The following STK38L variants were observed in gnomAD, a reference collection of about 807,000 sequenced individuals.
STK38L encodes the protein serine/threonine kinase 38 like, also known as serine/threonine-protein kinase 38-like.
STK38L carries 28 observed loss-of-function variants against 59.7 expected under a neutral mutation model. The observed-to-expected ratio is 0.47, with a 90% confidence interval of 0.35 to 0.64. The LOEUF (loss-of-function observed/expected upper bound fraction) is 0.64. Ranked by LOEUF, STK38L falls within the 30% of genes least tolerant of loss-of-function variation. The pLI is 0.01. For synonymous variants in STK38L, 162 were observed against 176.8 expected, an observed-to-expected ratio of 0.92 and a Z score of 0.66; for missense variants, 314 against 555.8, an observed-to-expected ratio of 0.56 and a Z score of 4.37.
intron 12 of STK38L, among the ~76,000 whole-genome samples, chr12:27,321,082 A>G (rs1944718018): frequency 6.6e-5 from 10 of 152,202 alleles, no homozygotes; most frequent in Admixed American, 6.5e-4. Flanking sequence ...CTGCTAGTTA[A>G]TAACAAGGAA....
chr12:27,277,789 T>C (rs1245379748), intron 1 of STK38L, among the ~76,000 whole-genome samples: 2 of 151,868 alleles, frequency 1.3e-5, no homozygotes, highest in Non-Finnish European at 2.9e-5. Flanking sequence ...TCAAGTAAAA[T>C]TTAAAAAAAA....
At chr12:27,255,743 G>T (rs768944094) in intron 1 of STK38L, among the ~76,000 whole-genome samples, 9 of 152,032 alleles carry the variant, frequency 5.9e-5, no homozygotes, top group Non-Finnish European at 1.3e-4. Flanking sequence ...TGTGAGTGTG[G>T]GTGATCTCAT....
At chr12:27,303,925 G>A (rs756522418) in intron 3 of STK38L, among the ~76,000 whole-genome samples, 1 of 152,078 alleles carries the variant, frequency 6.6e-6, no homozygotes, top group African/African-American at 2.4e-5. Context: ...ACTAAAAAAG[G>A]TATACTTTAG....
intron 1 of STK38L, chr12:27,245,662 A>AT (rs1942834156): frequency 6.6e-6 from 1 of 152,104 alleles, no homozygotes; most frequent in Non-Finnish European, 1.5e-5. Context: ...GAGGTATTGT[A>AT]TGTGAATTAG....
chr12:27,310,484 G>T (rs1269839234), intron 5 of STK38L, among the ~76,000 whole-genome samples: 4 of 152,156 alleles, frequency 2.6e-5, no homozygotes, highest in Non-Finnish European at 5.9e-5. Flanking sequence ...TCCAGCTGTA[G>T]TGTAGATACC....
rs1043097710 is a variant in STK38L at position 27,320,445 on chromosome 12, T to A, written c.1175+1022T>A. On this transcript the variant is annotated intron_variant, in intron 12 of 13. Transcript: ENST00000389032. ...CCACACCCAGCTAATTTTGTTGATT[T>A]TTTTTTTTTTTTTTTTTTTGTAGAG... 8.7e-3 allele frequency among the ~76,000 whole-genome samples: 1,224 copies of A among 140,840 alleles called. 10 individuals carry two copies. The highest frequency in any genetic ancestry group is 0.015 in the Non-Finnish European group (980 of 64,966). 92.4% of individuals were successfully genotyped at this position (140,840 alleles called of 152,430 possible).
At chr12:27,268,199 G>A (rs939270381) in intron 1 of STK38L, among the ~76,000 whole-genome samples, 1 of 150,762 alleles carries the variant, frequency 6.6e-6, no homozygotes, top group African/African-American at 2.5e-5. Context: ...CATGTGCCAT[G>A]TTGGTGTGCT....
chr12:27,258,113 TC>T (rs200567698), intron 1 of STK38L, among the ~76,000 whole-genome samples: 1,903 of 152,210 alleles, frequency 0.013, 41 homozygotes, highest in African/African-American at 0.043. Flanking sequence ...CACCTCTGCC[TC>T]CCAAAGTGTT....
At chr12:27,274,622 A>C (rs907665767) in intron 1 of STK38L, among the ~76,000 whole-genome samples, 1 of 152,230 alleles carries the variant, frequency 6.6e-6, no homozygotes, top group African/African-American at 2.4e-5. Flanking sequence ...ACATTTATTC[A>C]GTACCTATAG....
intron 5 of STK38L, among the ~76,000 whole-genome samples, chr12:27,310,581 TATTTC>T (rs1944431527): frequency 6.6e-6 from 1 of 152,118 alleles, no homozygotes; most frequent in Non-Finnish European, 1.5e-5. Flanking sequence ...ATAAATAAAA[TATTTC>T]AATGATTTTT....
At chr12:27,319,571 G>GT (rs1944673623) in intron 12 of STK38L, 148 bp downstream of exon 12, 3 of 545,660 alleles carry the variant, frequency 5.5e-6, no homozygotes, top group Admixed American at 3.2e-5. Flanking sequence ...ATGTAAGTGA[G>GT]TGGGACTATT....
rs759768793 is a variant in STK38L, at chr12:27,322,473, C to G, written c.*18C>G. 6.2e-7 allele frequency: 1 copy of G among 1,606,828 alleles called. No individual in the cohort carries two copies. On this transcript the variant is annotated 3_prime_UTR_variant, in exon 14 of 14. Coordinates refer to ENST00000389032, the MANE Select transcript of STK38L (RefSeq NM_015000.4). ...AGTTATGAATGAAGATAACATTCAC[C>G]CATAACCAAGAGAACTCAGGTAGCT... is the stretch of plus-strand genomic sequence containing the variant.
chr12:27,315,302 G>T lies in STK38L; in HGVS notation c.789G>T (p.Met263Ile). ...TGTTGAAATTAGCATTTCAGAACAT[G>T]AACTCAAAGAGGAAAGCAGAAACTT... ...NPPSDFSFQNMNSKRKAETWK... is the reference protein window; with the variant it reads ...NPPSDFSFQNINSKRKAETWK... The change falls in exon 9 of 14, where the codon ATG (methionine) becomes ATT (isoleucine). Residue 263 changes from methionine to isoleucine, a missense_variant. Met to Ile is a conservative substitution (Grantham distance 10). This residue lies in a region of STK38L where 28 missense variants were observed against 96.7 expected (regional missense o/e 0.29). Coordinates refer to ENST00000389032, the MANE Select transcript of STK38L (RefSeq NM_015000.4). 1 of 1,613,740 alleles carries T rather than the reference G, an allele frequency of 6.2e-7. No individual in the cohort carries two copies. The highest frequency in any genetic ancestry group is 1.1e-5 in the South Asian group (1 of 91,020).
At chr12:27,310,204 G>A (rs1944422589) in intron 5 of STK38L, among the ~76,000 whole-genome samples, 1 of 152,154 alleles carries the variant, frequency 6.6e-6, no homozygotes, top group Admixed American at 6.5e-5. Flanking sequence ...TTTTGTTGAT[G>A]ACAGGCTATG....
intron 2 of STK38L, among the ~76,000 whole-genome samples, chr12:27,301,630 ATGCAAT>A (rs1411750221): frequency 2.0e-5 from 3 of 152,250 alleles, no homozygotes; most frequent in African/African-American, 7.2e-5. Context: ...AATAAAATAA[ATGCAAT>A]TGCATTGAAC....
intron 1 of STK38L, among the ~76,000 whole-genome samples, chr12:27,256,310 CAT>C (rs1943091233): frequency 6.6e-6 from 1 of 152,206 alleles, no homozygotes; most frequent in Non-Finnish European, 1.5e-5. Flanking sequence ...TAGTGTGACA[CAT>C]GAGTTCCTTT....
At chr12:27,276,328 T>A (rs1258529292) in intron 1 of STK38L, among the ~76,000 whole-genome samples, 1 of 152,116 alleles carries the variant, frequency 6.6e-6, no homozygotes, top group African/African-American at 2.4e-5. Flanking sequence ...TAAATATGAG[T>A]TTCTCTGGTA....
intron 1 of STK38L, among the ~76,000 whole-genome samples, chr12:27,253,473 C>T (rs1394551974): frequency 2.0e-5 from 3 of 152,020 alleles, no homozygotes; most frequent in Non-Finnish European, 2.9e-5. Flanking sequence ...GCAGTTCTTT[C>T]ACTGTGAATT....
rs1433640617 is a variant in STK38L at position 27,302,161 on chromosome 12, GGAA to G, written c.167_169del (p.Glu56del). ...GGCAGAAGAAATTAGAAGTGGCCAT[GGAA>G]GAAGAAGGATTAGCAGATGAAGAGG... On this transcript the variant is annotated inframe_deletion, in exon 3 of 14. Transcript: ENST00000389032. 2.5e-6 allele frequency: 4 copies of G among 1,606,594 alleles called. No individual in the cohort carries two copies. The highest frequency in any genetic ancestry group is 2.5e-6 in the Non-Finnish European group (3 of 1,176,478).
Sources: allele counts gnomAD v4.1 joint callset (sites outside exome capture counted in the v4.1 genomes callset), GRCh38; gene constraint gnomAD v4.1.1; regional missense constraint gnomAD v4.1.1; transcripts MANE v1.5; gene names NCBI Gene and HGNC (gene_info 2026-07-23, HGNC 2026-07-21).